The following ENTREP2 variants were observed in gnomAD, a reference collection of about 807,000 sequenced individuals.
ENTREP2 encodes protein ENTREP2.
At chr15:29,438,316 C>T in the ENTREP2 span, among the ~76,000 whole-genome samples, 1 of 152,198 alleles carries the variant, frequency 6.6e-6, no homozygotes, top group Non-Finnish European at 1.5e-5. Flanking sequence ...AAAGTATGTC[C>T]TCAGTGGACA....
the ENTREP2 span, among the ~76,000 whole-genome samples, chr15:29,418,831 T>C: frequency 6.6e-6 from 1 of 152,234 alleles, no homozygotes; most frequent in Non-Finnish European, 1.5e-5. Context: ...ACTCTGGCTA[T>C]GCACCTGCTG....
chr15:29,409,865 C>T, the ENTREP2 span, among the ~76,000 whole-genome samples: 1 of 152,200 alleles, frequency 6.6e-6, no homozygotes, highest in East Asian at 1.9e-4. Context: ...CCAACTCAAG[C>T]TGCTAACTTA....
At chr15:29,250,001 G>A in the ENTREP2 span, among the ~76,000 whole-genome samples, 1 of 152,096 alleles carries the variant, frequency 6.6e-6, no homozygotes, top group East Asian at 1.9e-4. Context: ...CGAGGGAATG[G>A]TGCTAACCAC....
At chr15:29,554,448 C>A in the ENTREP2 span, among the ~76,000 whole-genome samples, 4 of 151,660 alleles carry the variant, frequency 2.6e-5, no homozygotes, top group South Asian at 2.1e-4. Context: ...GAAGGAGAGC[C>A]GAAGGGGATT....
chr15:29,195,460 C>T, the ENTREP2 span: 1 of 250,506 alleles, frequency 4.0e-6, no homozygotes. Flanking sequence ...CCCCTCCATA[C>T]TGCAAACACA....
the ENTREP2 span, among the ~76,000 whole-genome samples, chr15:29,494,210 A>AG: frequency 6.6e-6 from 1 of 152,022 alleles, no homozygotes; most frequent in African/African-American, 2.4e-5. Context: ...TAGGAAAAAA[A>AG]AAAACTTTAA....
chr15:29,215,568 A>AATATATATAATATAT, the ENTREP2 span, among the ~76,000 whole-genome samples: 1 of 118,668 alleles, frequency 8.4e-6, no homozygotes, highest in Middle Eastern at 3.8e-3. Flanking sequence ...AATAAACTCA[A>AATATATATAATATAT]ATATATATAA....
the ENTREP2 span, among the ~76,000 whole-genome samples, chr15:29,367,914 C>T: frequency 6.9e-6 from 1 of 145,184 alleles, no homozygotes; most frequent in Non-Finnish European, 1.5e-5. Flanking sequence ...CTAGAGGCAC[C>T]ACATTATATT....
chr15:29,416,247 T>C, the ENTREP2 span, among the ~76,000 whole-genome samples: 6 of 152,140 alleles, frequency 3.9e-5, no homozygotes, highest in Admixed American at 3.3e-4. Flanking sequence ...CTTCAAACTA[T>C]ACTACAAGGC....
At chr15:29,128,903 G>C in the ENTREP2 span, 1 of 1,457,582 alleles carries the variant, frequency 6.9e-7, no homozygotes, top group Non-Finnish European at 9.4e-7. Flanking sequence ...CGGCTGGTCC[G>C]TGGGAACGCA....
At chr15:29,521,859 TAAAC>T in the ENTREP2 span, among the ~76,000 whole-genome samples, 8 of 125,700 alleles carry the variant, frequency 6.4e-5, no homozygotes, top group African/African-American at 8.8e-5. Context: ...TACATACACT[TAAAC>T]ACACACACAC....
At chr15:29,485,749 A>T in the ENTREP2 span, among the ~76,000 whole-genome samples, 2 of 152,346 alleles carry the variant, frequency 1.3e-5, no homozygotes, top group Middle Eastern at 3.4e-3. Flanking sequence ...CAGGAGATAT[A>T]TGAAAGAATG....
the ENTREP2 span, among the ~76,000 whole-genome samples, chr15:29,662,458 C>T: frequency 6.6e-6 from 1 of 151,944 alleles, no homozygotes; most frequent in South Asian, 2.1e-4. Context: ...AAGTTATATC[C>T]CAGCATAGTG....
chr15:29,392,542 T>G, the ENTREP2 span, among the ~76,000 whole-genome samples: 1 of 152,214 alleles, frequency 6.6e-6, no homozygotes, highest in Non-Finnish European at 1.5e-5. Flanking sequence ...GTTTTCTGAC[T>G]GCCATTGTTG....
At chr15:29,352,954 C>CATATGAAATATGAATTTG in the ENTREP2 span, among the ~76,000 whole-genome samples, 1 of 152,086 alleles carries the variant, frequency 6.6e-6, no homozygotes, top group Non-Finnish European at 1.5e-5. Context: ...TCTCTTGTTT[C>CATATGAAATATGAATTTG]TATTAGGTTA....
the ENTREP2 span, among the ~76,000 whole-genome samples, chr15:29,531,770 A>C: frequency 1.3e-5 from 2 of 152,124 alleles, no homozygotes; most frequent in Non-Finnish European, 2.9e-5. Flanking sequence ...GGTTCAAGCG[A>C]TTCTCCTGCC....
the ENTREP2 span, among the ~76,000 whole-genome samples, chr15:29,656,741 A>T: frequency 0.022 from 3,302 of 152,236 alleles, 127 homozygotes; most frequent in African/African-American, 0.075. Context: ...CTCATATCTT[A>T]TCTTGCTTGA....
chr15:29,193,587 A>G, the ENTREP2 span, among the ~76,000 whole-genome samples: 1 of 152,178 alleles, frequency 6.6e-6, no homozygotes, highest in Non-Finnish European at 1.5e-5. Flanking sequence ...CAGCTTGCAG[A>G]TGGGACTGTC....
chr15:29,364,550 A>G, the ENTREP2 span, among the ~76,000 whole-genome samples: 47 of 152,320 alleles, frequency 3.1e-4, no homozygotes, highest in South Asian at 6.0e-3. Flanking sequence ...AAAACGCTTC[A>G]GTCTAAGTGC....
Sources: gnomAD v4.1 joint callset for allele counts (sites outside exome capture counted in the v4.1 genomes callset) on GRCh38, gnomAD v4.1.1 for gene constraint, MANE v1.5 for transcripts, NCBI Gene and HGNC (gene_info 2026-07-23, HGNC 2026-07-21) for gene names.